The following GOLGA1 variants were observed in gnomAD, a reference collection of about 807,000 sequenced individuals.
GOLGA1 encodes the protein golgin subfamily A member 1.
GOLGA1 carries 63 observed loss-of-function variants against 119.7 expected under a neutral mutation model. The ratio of observed to expected loss-of-function variants is 0.53; its 90% CI spans 0.43 to 0.65. The LOEUF (loss-of-function observed/expected upper bound fraction) is 0.65, where lower values mean the gene tolerates loss of function less well. Among genes scored for constraint, GOLGA1 ranks in the 30% least tolerant of loss-of-function variants. The probability of loss-of-function intolerance (pLI) is 0.00; values close to 1 mark genes in which losing one functional copy is unlikely to be tolerated. For missense variants in GOLGA1, 798 were observed against 912.8 expected (o/e 0.87, Z 1.62); for synonymous variants, 318 against 333.4 (o/e 0.95, Z 0.50).
intron 12 of GOLGA1, among the ~76,000 whole-genome samples, chr9:124,902,653 C>A (rs1241490794): frequency 6.6e-6 from 1 of 151,222 alleles, no homozygotes; most frequent in East Asian, 2.0e-4. Flanking sequence ...CCATGCCCAG[C>A]TAATTTTTTG....
chr9:124,899,550 G>T, intron 13 of GOLGA1, 72 bp from the exon 14 acceptor site: 1 of 1,422,584 alleles, frequency 7.0e-7, no homozygotes, highest in South Asian at 1.2e-5. Flanking sequence ...TCTGGCCCTA[G>T]GTGAGAAGAT....
chr9:124,942,185 G>T (rs1366650259), upstream of GOLGA1, among the ~76,000 whole-genome samples: 1 of 152,070 alleles, frequency 6.6e-6, no homozygotes, highest in Non-Finnish European at 1.5e-5. Flanking sequence ...CAGGATAATC[G>T]CTTGAACCCG....
rs552425186 is a variant in GOLGA1, at chr9:124,888,881, A to G, written c.1761+262T>C. Among the ~76,000 whole-genome samples the G allele has an allele frequency of 1.3e-5, 2 of 152,186 alleles. No individual in the cohort carries two copies. The highest frequency in any genetic ancestry group is 1.3e-4 in the Admixed American group (2 of 15,290). ...CGCCTAGCTAATTTTTTGTATTTTT[A>G]GTAGAGACTGGGTTTCACCGTGTTA... On this transcript the variant is annotated intron_variant, in intron 18 of 22. Transcript: ENST00000373555. This position sits in a 1 kb window ranked among gnomAD's most constrained non-coding sequence, Gnocchi z 4.4.
chr9:124,939,418 G>A (rs555962470), intron 2 of GOLGA1, among the ~76,000 whole-genome samples: 2 of 151,900 alleles, frequency 1.3e-5, no homozygotes, highest in South Asian at 4.1e-4. Flanking sequence ...AGGAAAAGCT[G>A]GTAACAGAAA....
chr9:124,942,276 A>G (rs189164749), upstream of GOLGA1, among the ~76,000 whole-genome samples: 3 of 152,292 alleles, frequency 2.0e-5, no homozygotes, highest in East Asian at 5.8e-4. Context: ...ATCTCAAACA[A>G]AAAGTCACGG....
intron 4 of GOLGA1, among the ~76,000 whole-genome samples, chr9:124,930,970 G>A (rs1290738920): frequency 1.3e-5 from 2 of 152,114 alleles, no homozygotes; most frequent in African/African-American, 2.4e-5. Context: ...AATATCTGTT[G>A]GCCATTCCCT....
chr9:124,914,899 G>A (rs1395710053), intron 10 of GOLGA1, among the ~76,000 whole-genome samples: 1 of 152,226 alleles, frequency 6.6e-6, no homozygotes, highest in East Asian at 1.9e-4. Context: ...GGCAAAGTTA[G>A]GGACAGAAAA....
At chr9:124,889,630 C>A (rs1389070819) in intron 16 of GOLGA1, 94 bp from the exon 17 acceptor site, 2 of 856,230 alleles carry the variant, frequency 2.3e-6, no homozygotes, top group Non-Finnish European at 4.1e-6. Context: ...GGGTACACCA[C>A]GAATCCCTCC....
intron 10 of GOLGA1, among the ~76,000 whole-genome samples, chr9:124,919,982 GTCTC>G (rs988777829): frequency 3.3e-5 from 5 of 151,128 alleles, no homozygotes; most frequent in African/African-American, 7.4e-5. Flanking sequence ...TTAAGACAGA[GTCTC>G]TCTCTGTCAC....
chr9:124,925,418 T>C (rs1002425586), intron 7 of GOLGA1, among the ~76,000 whole-genome samples: 1 of 151,664 alleles, frequency 6.6e-6, no homozygotes, highest in African/African-American at 2.4e-5. Context: ...TATAATTCTT[T>C]CCTTATATAA....
chr9:124,890,436 G>A lies in GOLGA1; in HGVS notation c.1450C>T (p.Gln484Ter). Reference protein sequence around the residue: ...QREIVSVAMAQALEEVRKQRE... With the variant: ...QREIVSVAMA ...TGCTTCCGCACCTCCTCCAGGGCTT[G>A]AGCCATGGCCACGCTCACAATTTCT... Residue 484 changes from glutamine (Q) to a stop codon, truncating the protein, a stop_gained, in exon 16 of 23, where the codon CAA (glutamine) becomes TAA (stop). Coordinates refer to ENST00000373555, the MANE Select transcript of GOLGA1 (RefSeq NM_002077.4). LOFTEE classifies it high-confidence loss of function. 1 of 1,613,860 alleles carries A rather than the reference G, an allele frequency of 6.2e-7. No individual in the cohort carries two copies. The highest frequency in any genetic ancestry group is 8.5e-7 in the Non-Finnish European group (1 of 1,179,736).
chr9:124,937,030 T>C (rs1204946101), intron 3 of GOLGA1, among the ~76,000 whole-genome samples: 1 of 152,202 alleles, frequency 6.6e-6, no homozygotes, highest in Non-Finnish European at 1.5e-5. Flanking sequence ...AAGAAACATA[T>C]AAGTGGCTTA....
chr9:124,905,374 A>G (rs1247833900), intron 12 of GOLGA1, among the ~76,000 whole-genome samples: 3 of 152,036 alleles, frequency 2.0e-5, no homozygotes, highest in African/African-American at 7.2e-5. Context: ...AGGCAGGAGA[A>G]TTGTTTGAAC....
At position 124,879,209 on chromosome 9, in the gene GOLGA1, ATTAAT is replaced by A. The variant is rs1423798035; in HGVS notation, c.*1316_*1320del. On this transcript the variant is annotated 3_prime_UTR_variant, in exon 23 of 23. Coordinates refer to ENST00000373555, the MANE Select transcript of GOLGA1 (RefSeq NM_002077.4). Reference sequence around the variant, plus strand: ...GATAATAAATTTAGAGGCTCCAGTTATTAATTTAGTTTTTTATTTAACCAGTGAAA... The same window carrying A: ...GATAATAAATTTAGAGGCTCCAGTTATTAGTTTTTTATTTAACCAGTGAAA... 3 of 152,230 alleles carry A rather than the reference ATTAAT, an allele frequency of 2.0e-5. No homozygotes were observed. Among genetic ancestry groups the A allele is most frequent in the African/African-American group, 4.8e-5 (2 of 41,460 alleles). 9.4% of individuals were successfully genotyped at this position (152,230 alleles called of 1,614,324 possible).
intron 12 of GOLGA1, among the ~76,000 whole-genome samples, chr9:124,903,825 C>T (rs550284164): frequency 2.6e-5 from 4 of 151,940 alleles, no homozygotes; most frequent in Non-Finnish European, 5.9e-5. Flanking sequence ...CCGAGGTGGG[C>T]GGGTCACAAG....
At chr9:124,905,323 G>A (rs917894519) in intron 12 of GOLGA1, among the ~76,000 whole-genome samples, 1 of 151,920 alleles carries the variant, frequency 6.6e-6, no homozygotes, top group Non-Finnish European at 1.5e-5. Flanking sequence ...TTAGCCAGGC[G>A]TGGAGGCAGG....
chr9:124,945,592 AAATT>A (rs1831133716), upstream of GOLGA1: 2 of 152,168 alleles, frequency 1.3e-5, no homozygotes, highest in Admixed American at 1.3e-4. Context: ...ACCACAAAAG[AAATT>A]AACAAAAATA....
At chr9:124,895,743 TCCTCCACAACAGAGAA>T (rs1176600013) in intron 15 of GOLGA1, among the ~76,000 whole-genome samples, 23 of 63,314 alleles carry the variant, frequency 3.6e-4, no homozygotes, top group African/African-American at 1.3e-3. Context: ...ACAACAGAGA[TCCTCCACAACAGAGAA>T]CCTCCACAAC....
At chr9:124,902,150 C>T (rs967096921) in intron 12 of GOLGA1, among the ~76,000 whole-genome samples, 2 of 152,236 alleles carry the variant, frequency 1.3e-5, no homozygotes, top group Admixed American at 1.3e-4. Flanking sequence ...CTCGCTCTGT[C>T]GCCCAGGCTG....
Sources: allele counts gnomAD v4.1 joint callset (sites outside exome capture counted in the v4.1 genomes callset), GRCh38; gene constraint gnomAD v4.1.1; non-coding constraint Gnocchi (gnomAD v3.1); transcripts MANE v1.5; gene names NCBI Gene and HGNC (gene_info 2026-07-23, HGNC 2026-07-21).